TUB: variants seen among roughly 807,000 people sequenced by gnomAD.
TUB encodes the protein TUB bipartite transcription factor, also known as tubby protein homolog.
In TUB, 33 loss-of-function variants were observed where a neutral mutation model predicts 59.7. The ratio of observed to expected loss-of-function variants is 0.55; its 90% CI spans 0.42 to 0.74. The LOEUF (loss-of-function observed/expected upper bound fraction) is 0.74, where lower values mean the gene tolerates loss of function less well. Ranked by LOEUF, TUB falls within the 30% of genes least tolerant of loss-of-function variation. TUB has a pLI of 0.00. For missense variants in TUB, 659 were observed against 672.0 expected (o/e 0.98, Z 0.21); for synonymous variants, 293 against 256.4 (o/e 1.14, Z -1.36).
chr11:8,092,944 C>T (rs1943829786), intron 3 of TUB, among the ~76,000 whole-genome samples: 1 of 152,174 alleles, frequency 6.6e-6, no homozygotes, highest in African/African-American at 2.4e-5. Context: ...GCTGGCTATA[C>T]TCATTCATGT....
chr11:8,042,491 A>T (rs1313704375), intron 2 of TUB, among the ~76,000 whole-genome samples: 1 of 152,198 alleles, frequency 6.6e-6, no homozygotes, highest in African/African-American at 2.4e-5. Context: ...GTATATGCCT[A>T]GGATCTATGT....
In TUB at chr11:8,100,475, G is replaced by A. The variant is rs775110054; in HGVS notation, c.1117-28G>A. 3.8e-6 allele frequency: 6 copies of A among 1,588,668 alleles called. No individual in the cohort carries two copies. In the Admixed American group the frequency reaches 6.7e-5, roughly 18 times the overall value. On this transcript the variant is annotated intron_variant, in intron 9 of 11. Transcript: ENST00000299506. Reference sequence around the variant, plus strand: ...TCCAGTAGGTAAATAGACGCCTCAGGTGGCCAGTGTTGCGTTCTCTTTCCC... The same window carrying A: ...TCCAGTAGGTAAATAGACGCCTCAGATGGCCAGTGTTGCGTTCTCTTTCCC...
In TUB at chr11:8,095,590, G is replaced by T; in HGVS notation, c.490G>T (p.Asp164Tyr). 3.1e-6 allele frequency: 5 copies of T among 1,613,096 alleles called. No individual in the cohort carries two copies. The highest frequency in any genetic ancestry group is 4.2e-6 in the Non-Finnish European group (5 of 1,179,906). The change falls in exon 5 of 12, where the codon GAC (aspartate) becomes TAC (tyrosine). Residue 164 changes from aspartate (D) to tyrosine (Y), a missense_variant. Physicochemically the swap from Asp to Tyr is radical, Grantham distance 160. This residue lies in a region of TUB where 321 missense variants were observed against 304.3 expected (regional missense o/e 1.05). Coordinates refer to ENST00000299506, the MANE Select transcript of TUB (RefSeq NM_177972.3). ...LTVGQSDHAQ[D>Y]AGETAAGGGE... ...TGTGGGCCAGTCAGACCACGCCCAGGACGCAGGGGAGACGGCAGCTGGTGG... is the reference window on the plus strand; with the variant it reads ...TGTGGGCCAGTCAGACCACGCCCAGTACGCAGGGGAGACGGCAGCTGGTGG...
chr11:8,082,925 G>A (rs1284838951), intron 1 of TUB, among the ~76,000 whole-genome samples: 1 of 152,156 alleles, frequency 6.6e-6, no homozygotes, highest in Non-Finnish European at 1.5e-5. Flanking sequence ...CGCACATACA[G>A]GTCACCCACA....
chr11:8,096,645 T>C, intron 5 of TUB, 40 bp from the exon 6 acceptor site: 1 of 1,377,922 alleles, frequency 7.3e-7, no homozygotes, highest in Non-Finnish European at 1.0e-6. Context: ...CAGCGTAGAC[T>C]TCTCCTCCTT....
At chr11:8,046,978 C>T (rs1253625919) in intron 2 of TUB, among the ~76,000 whole-genome samples, 1 of 152,116 alleles carries the variant, frequency 6.6e-6, no homozygotes, top group Non-Finnish European at 1.5e-5. Flanking sequence ...TATGTTGGGC[C>T]ACACTCAAAG....
chr11:8,096,719 G>A lies in TUB; in HGVS notation c.600G>A (p.Glu200=). 6.2e-7 allele frequency: 1 copy of A among 1,613,354 alleles called. No homozygotes were observed. The highest frequency in any genetic ancestry group is 1.1e-5 in the South Asian group (1 of 91,018). Residue 200 remains glutamate (E), a synonymous_variant, in exon 6 of 12, where the codon GAG becomes GAA. Transcript: ENST00000299506. ...GCAGCATGAGCTTTGACGAGGATGA[G>A]GAGGATGAGGAGGAGAATAGCTCCA... is the stretch of plus-strand genomic sequence containing the variant. ...ISSSMSFDED[E]EDEEENSSSS...
chr11:8,098,713 G>C, intron 8 of TUB, 45 bp from the exon 9 acceptor site: 1 of 1,432,346 alleles, frequency 7.0e-7, no homozygotes, highest in East Asian at 2.3e-5. Flanking sequence ...CCCTGCTCTG[G>C]GGCAGAGGGT....
intron 1 of TUB, among the ~76,000 whole-genome samples, chr11:8,033,405 G>A (rs1012183055): frequency 6.6e-6 from 1 of 152,208 alleles, no homozygotes; most frequent in African/African-American, 2.4e-5. Flanking sequence ...TCTGACACTT[G>A]CTGGCCTTTC....
chr11:8,036,755 G>C (rs1291337266), upstream of TUB, among the ~76,000 whole-genome samples: 2 of 152,214 alleles, frequency 1.3e-5, no homozygotes, highest in East Asian at 3.9e-4. Context: ...CCAGCCCTGA[G>C]GTTCTGTTTG....
At chr11:8,036,788 C>T (rs1005108690), upstream of TUB, among the ~76,000 whole-genome samples, 1 of 152,210 alleles carries the variant, frequency 6.6e-6, no homozygotes, top group African/African-American at 2.4e-5. Context: ...CGGTTGTCCT[C>T]CAGGGGGTCA....
At chr11:8,025,112 C>T (rs1308735948) in intron 1 of TUB, among the ~76,000 whole-genome samples, 3 of 152,220 alleles carry the variant, frequency 2.0e-5, no homozygotes, top group African/African-American at 2.4e-5. Flanking sequence ...TCTGTGGTCT[C>T]GTAGTTCTTA....
chr11:8,043,392 T>C (rs1343846753), intron 2 of TUB, among the ~76,000 whole-genome samples: 5 of 152,196 alleles, frequency 3.3e-5, no homozygotes, highest in Non-Finnish European at 1.5e-5. Context: ...TCAAGGTTGT[T>C]TGGCTATTCT....
At chr11:8,024,204 T>C (rs1942469973) in intron 1 of TUB, among the ~76,000 whole-genome samples, 1 of 152,226 alleles carries the variant, frequency 6.6e-6, no homozygotes, top group African/African-American at 2.4e-5. Context: ...CACTTTTTAT[T>C]CCCTCACGTA....
At chr11:8,095,807 A>C in intron 5 of TUB, 142 bp downstream of exon 5, 1 of 935,564 alleles carries the variant, frequency 1.1e-6, no homozygotes. Context: ...TTCGGAGACA[A>C]ATGAGAAACT....
chr11:8,019,623 C>T (rs1028615261), intron 1 of TUB, among the ~76,000 whole-genome samples: 6 of 152,114 alleles, frequency 3.9e-5, no homozygotes, highest in Non-Finnish European at 1.5e-5. Context: ...GCACCTCTGC[C>T]CCCACCCCAG....
chr11:8,095,486 C>G lies in TUB; in HGVS notation c.398-12C>G, dbSNP rs749531031. ...CTCCTGGATGTAACTCAGGCGTGTC[C>G]GTGGCCTGCAGGCACCAGCGGGCCA... On this transcript the variant is annotated splice_polypyrimidine_tract_variant and intron_variant, in intron 4 of 11. Transcript: ENST00000299506. 1 of 1,602,722 alleles carries G rather than the reference C, an allele frequency of 6.2e-7. No individual in the cohort carries two copies. Among genetic ancestry groups the G allele is most frequent in the Admixed American group, 1.7e-5 (1 of 59,764 alleles).
rs1944040380 is a variant in TUB at position 8,097,308 on chromosome 11, G to A, written c.768G>A (p.Leu256=). Residue 256 remains leucine, a synonymous_variant, in exon 7 of 12, where the codon CTG becomes CTA. Transcript: ENST00000299506. ...VEVQDLEEFA[L]RPAPQGITIK... ...TCCAGGATCTTGAGGAGTTTGCACT[G>A]AGGCCGGCCCCCCAGGGTATCACCA... is the stretch of plus-strand genomic sequence containing the variant. The A allele has an allele frequency of 1.2e-6, 2 of 1,614,186 alleles. No individual in the cohort carries two copies. Among genetic ancestry groups the A allele is most frequent in the Non-Finnish European group, 1.7e-6 (2 of 1,180,044 alleles).
intron 1 of TUB, among the ~76,000 whole-genome samples, chr11:8,030,966 G>T (rs2133709659): frequency 6.6e-6 from 1 of 152,298 alleles, no homozygotes; most frequent in African/African-American, 2.4e-5. Flanking sequence ...TCTTTCCACA[G>T]TCTGACATTT....
Sources: allele counts gnomAD v4.1 joint callset (sites outside exome capture counted in the v4.1 genomes callset), GRCh38; gene constraint gnomAD v4.1.1; regional missense constraint gnomAD v4.1.1; transcripts MANE v1.5; gene names NCBI Gene and HGNC (gene_info 2026-07-23, HGNC 2026-07-21).